Variants in CTNS observed in about 807,000 individuals in gnomAD.
CTNS encodes cystinosin, lysosomal cystine transporter.
In CTNS, 27 loss-of-function variants were observed where a neutral mutation model predicts 43.7. That is an observed-to-expected ratio of 0.62 (90% CI 0.46 to 0.85). The LOEUF (loss-of-function observed/expected upper bound fraction) is 0.85, where lower values mean the gene tolerates loss of function less well. Among genes scored for constraint, CTNS ranks in the 40% least tolerant of loss-of-function variants. CTNS has a pLI of 0.00. For missense variants in CTNS, 457 were observed against 475.4 expected, an observed-to-expected ratio of 0.96 and a Z score of 0.36; for synonymous variants, 187 against 190.6, an observed-to-expected ratio of 0.98 and a Z score of 0.16.
chr17:3,657,608 T>G, intron 9 of CTNS: 2 of 287,350 alleles, frequency 7.0e-6, no homozygotes, highest in Non-Finnish European at 1.3e-5. Flanking sequence ...TGCTGCCGGG[T>G]CGTGGGACGA....
rs1567696923 is a variant in CTNS at position 3,642,056 on chromosome 17, TACCCG to T, written c.61+1790_61+1794del. ...TTGCCTGGGCCTGTGTGTGTGTGTGTACCCGGGCGTGTGTGTGTGTGTGTGTGCCT... is the reference window on the plus strand; with the variant it reads ...TTGCCTGGGCCTGTGTGTGTGTGTGTGGCGTGTGTGTGTGTGTGTGTGCCT... On this transcript the variant is annotated intron_variant, in intron 3 of 11. Coordinates refer to ENST00000046640, the MANE Select transcript of CTNS (RefSeq NM_004937.3). Among the ~76,000 whole-genome samples, 14 of 51,470 alleles carry T rather than the reference TACCCG, an allele frequency of 2.7e-4. No individual in the cohort carries two copies. The South Asian group carries it at 5.5e-3, about 20-fold the overall frequency. The allele number at this position is 51,470 out of a possible 152,430, so 33.8% of individuals were successfully genotyped here.
In CTNS at chr17:3,656,505, C is replaced by T. The variant is rs147565118; in HGVS notation, c.480C>T (p.Phe160=). The T allele has an allele frequency of 2.2e-4, 353 of 1,600,088 alleles. 1 individual carries two copies. Among genetic ancestry groups the T allele is most frequent in the Non-Finnish European group, 2.7e-4 (313 of 1,176,788 alleles). Residue 160 remains phenylalanine (F), a synonymous_variant, in exon 8 of 12, where the codon TTC becomes TTT. Coordinates refer to ENST00000046640, the MANE Select transcript of CTNS (RefSeq NM_004937.3). ...CCTGCAGTGTCATTGGTCTGAGCTT[C>T]GACTTCGTGGCTCTGAACCTGACGG... ...WRRKSVIGLS[F]DFVALNLTGF...
At chr17:3,640,058 G>A in intron 2 of CTNS, 130 bp from the exon 3 acceptor site, 2 of 769,966 alleles carry the variant, frequency 2.6e-6, no homozygotes, top group Middle Eastern at 4.6e-4. Flanking sequence ...GTGATGCAAA[G>A]CCCTGAGGTC....
chr17:3,651,332 C>T (rs780972390), intron 5 of CTNS, among the ~76,000 whole-genome samples: 3 of 151,862 alleles, frequency 2.0e-5, no homozygotes, highest in African/African-American at 7.3e-5. Context: ...TGGCCTCAGG[C>T]GATCCGCCCA....
chr17:3,654,719 G>C (rs2150918375), intron 5 of CTNS, among the ~76,000 whole-genome samples: 1 of 151,942 alleles, frequency 6.6e-6, no homozygotes, highest in Non-Finnish European at 1.5e-5. Flanking sequence ...CTCAGGCCAG[G>C]CGCGGTGGCT....
At chr17:3,652,523 C>T (rs459932) in intron 5 of CTNS, among the ~76,000 whole-genome samples, 132,755 of 151,696 alleles carry the variant, frequency 0.88, 60,629 homozygotes, top group Non-Finnish European at 1. Flanking sequence ...ACCCGGGAGG[C>T]AGAGGTTGCA....
chr17:3,648,750 C>G, intron 4 of CTNS, 97 bp from the exon 5 acceptor site: 2 of 1,040,980 alleles, frequency 1.9e-6, no homozygotes, highest in Non-Finnish European at 3.0e-6. Context: ...CTAAGCCTAA[C>G]TGCTTGAGAG....
chr17:3,646,752 A>C (rs966184876), intron 3 of CTNS, among the ~76,000 whole-genome samples: 1 of 149,022 alleles, frequency 6.7e-6, no homozygotes, highest in Non-Finnish European at 1.5e-5. Flanking sequence ...ATGGTTTTCT[A>C]AGACCCTAAG....
chr17:3,642,399 A>G (rs2075742648), intron 3 of CTNS, among the ~76,000 whole-genome samples: 1 of 152,068 alleles, frequency 6.6e-6, no homozygotes, highest in Non-Finnish European at 1.5e-5. Flanking sequence ...GCCATTAGAA[A>G]AGAATGGGCC....
chr17:3,655,322 C>T lies in CTNS; in HGVS notation c.431C>T (p.Pro144Leu). 1.2e-6 allele frequency: 2 copies of T among 1,614,210 alleles called. No homozygotes were observed. The highest frequency in any genetic ancestry group is 1.7e-6 in the Non-Finnish European group (2 of 1,180,048). The change falls in exon 7 of 12, where the codon CCT (proline) becomes CTT (leucine). Residue 144 changes from proline to leucine, a missense_variant. Transcript: ENST00000046640. ...GTGGCCTGGTCCATCTCCTTCTACC[C>T]TCAGGTGATCATGAATTGGAGGCGG... ...YFVAWSISFYPQVIMNWRRKS... is the reference protein window; with the variant it reads ...YFVAWSISFYLQVIMNWRRKS...
At chr17:3,655,374 G>A (rs1346371475) in intron 7 of CTNS, 22 bp downstream of exon 7, 8 of 1,613,486 alleles carry the variant, frequency 5.0e-6, no homozygotes, top group Non-Finnish European at 6.8e-6. Context: ...GGCCGTATGT[G>A]CAGGCTCTCT....
chr17:3,654,503 A>G (rs536820764), intron 5 of CTNS, among the ~76,000 whole-genome samples: 1 of 150,442 alleles, frequency 6.6e-6, no homozygotes, highest in Non-Finnish European at 1.5e-5. Context: ...GTGAAAGTCC[A>G]TCTCTACTAA....
chr17:3,654,571 C>T (rs927295083), intron 5 of CTNS, among the ~76,000 whole-genome samples: 1 of 151,628 alleles, frequency 6.6e-6, no homozygotes, highest in Non-Finnish European at 1.5e-5. Context: ...GTACTCGGGA[C>T]TCAGGAGCCT....
intron 2 of CTNS, among the ~76,000 whole-genome samples, chr17:3,639,165 A>G (rs1271116354): frequency 6.6e-6 from 1 of 152,068 alleles, no homozygotes; most frequent in East Asian, 1.9e-4. Context: ...GGCCCGTGAG[A>G]CTGTGTACTG....
chr17:3,660,586 C>T lies in CTNS; in HGVS notation c.*217C>T, dbSNP rs758641448. ...TCCCCGGCCAGGCACGTGGCACCGTCGCCTTGACACCGCCATCTCTTTTCT... is the reference window on the plus strand; with the variant it reads ...TCCCCGGCCAGGCACGTGGCACCGTTGCCTTGACACCGCCATCTCTTTTCT... On this transcript the variant is annotated 3_prime_UTR_variant, in exon 12 of 12. Transcript: ENST00000046640. 1.5e-5 allele frequency: 25 copies of T among 1,613,136 alleles called. No homozygotes were observed. Among genetic ancestry groups the T allele is most frequent in the South Asian group, 4.4e-5 (4 of 91,078 alleles).
At position 3,662,457 on chromosome 17, in the gene CTNS, C is replaced by CCAG. The variant is rs1199587831; in HGVS notation, c.*2091_*2093dup. 2.0e-5 allele frequency among the ~76,000 whole-genome samples: 3 copies of CCAG among 152,160 alleles called. No individual in the cohort carries two copies. In the East Asian group the frequency reaches 5.8e-4, roughly 29 times the overall value. On this transcript the variant is annotated 3_prime_UTR_variant, in exon 12 of 12. Transcript: ENST00000046640. ...CCCCCATCTGGCCAGATCACGGCCCCCAGCAACACGTGGGGTTGTGTCCCT... is the reference window on the plus strand; with the variant it reads ...CCCCCATCTGGCCAGATCACGGCCCCCAGCAGCAACACGTGGGGTTGTGTCCCT...
chr17:3,648,696 G>T (rs930015839), intron 4 of CTNS, 151 bp from the exon 5 acceptor site: 2 of 729,580 alleles, frequency 2.7e-6, no homozygotes, highest in Admixed American at 3.9e-5. Context: ...ACGGGAGCAC[G>T]ATTTCCACCT....
At chr17:3,637,797 A>G (rs1046680413) in intron 2 of CTNS, among the ~76,000 whole-genome samples, 1 of 151,788 alleles carries the variant, frequency 6.6e-6, no homozygotes, top group African/African-American at 2.4e-5. Flanking sequence ...CCCACTTGAC[A>G]ATGCGTGCTT....
At position 3,660,062 on chromosome 17, in the gene CTNS, AC is replaced by A. The variant is rs376297324; in HGVS notation, c.970+92del. ...CCCGGGACCTTCCAGCCAGGGCTCCACCCCCACCTGGGATCCAAGCCAATCC... is the reference window on the plus strand; with the variant it reads ...CCCGGGACCTTCCAGCCAGGGCTCCACCCCACCTGGGATCCAAGCCAATCC... On this transcript the variant is annotated intron_variant, in intron 11 of 11. Coordinates refer to ENST00000046640, the MANE Select transcript of CTNS (RefSeq NM_004937.3). 3.3e-5 allele frequency: 47 copies of A among 1,441,404 alleles called. 1 individual carries two copies. The East Asian group carries it at 3.9e-4, about 12-fold the overall frequency. 89.3% of individuals were successfully genotyped at this position (1,441,404 alleles called of 1,614,324 possible).
Sources: gnomAD v4.1 joint callset for allele counts (sites outside exome capture counted in the v4.1 genomes callset) on GRCh38, gnomAD v4.1.1 for gene constraint, MANE v1.5 for transcripts, NCBI Gene and HGNC (gene_info 2026-07-23, HGNC 2026-07-21) for gene names.